TRIM37: variants seen among roughly 807,000 people sequenced by gnomAD.
TRIM37 encodes tripartite motif containing 37.
Under a neutral mutation model 129.8 loss-of-function variants are expected in TRIM37, and 80 were observed. That is an observed-to-expected ratio of 0.62 (90% CI 0.51 to 0.74). The LOEUF is 0.74. Ranked by LOEUF, TRIM37 falls within the 30% of genes least tolerant of loss-of-function variation. The probability of loss-of-function intolerance (pLI) is 0.00; values close to 1 mark genes in which losing one functional copy is unlikely to be tolerated. For missense variants in TRIM37, 1,054 were observed against 1,176.5 expected, an observed-to-expected ratio of 0.90 and a Z score of 1.52; for synonymous variants, 389 against 387.1, an observed-to-expected ratio of 1.00 and a Z score of -0.06.
At chr17:59,057,151 A>G (rs2041018725) in intron 12 of TRIM37, 97 bp from the exon 13 acceptor site, 3 of 1,034,720 alleles carry the variant, frequency 2.9e-6, no homozygotes, top group South Asian at 2.7e-5. Context: ...ATTACCTGAG[A>G]AGAAACCTTA....
At chr17:58,980,600 G>A (rs745964136), downstream of TRIM37, 1 of 1,614,184 alleles carries the variant, frequency 6.2e-7, no homozygotes, top group Admixed American at 1.7e-5. The surrounding 1 kb of genome is among the most constrained non-coding windows in gnomAD (Gnocchi z 4.7). Flanking sequence ...GAAAAAATCA[G>A]TTCAGTCATC....
intron 2 of TRIM37, among the ~76,000 whole-genome samples, chr17:59,100,339 C>T (rs2045341152): frequency 6.6e-6 from 1 of 152,176 alleles, no homozygotes; most frequent in Non-Finnish European, 1.5e-5. Context: ...AAACTGTAAA[C>T]ATGCCATATG....
At chr17:59,103,172 C>A (rs1182723395) in intron 2 of TRIM37, among the ~76,000 whole-genome samples, 1 of 152,102 alleles carries the variant, frequency 6.6e-6, no homozygotes, top group African/African-American at 2.4e-5. Flanking sequence ...CTACTGCGCC[C>A]AGCTGAAACA....
At chr17:58,973,136 TG>T in the TRIM37 span, among the ~76,000 whole-genome samples, 4 of 152,188 alleles carry the variant, frequency 2.6e-5, no homozygotes, top group East Asian at 7.7e-4. Flanking sequence ...GAAAGAGAAC[TG>T]CCAGGCTCAG....
At chr17:59,070,359 G>A (rs542687878) in intron 9 of TRIM37, among the ~76,000 whole-genome samples, 2 of 152,086 alleles carry the variant, frequency 1.3e-5, no homozygotes, top group African/African-American at 4.8e-5. Context: ...TGTGTTAGGA[G>A]ATATAGTTCA....
chr17:59,034,672 T>C lies in TRIM37; in HGVS notation c.1754-2582A>G, dbSNP rs577841236. Among the ~76,000 whole-genome samples the C allele has an allele frequency of 1.1e-4, 17 of 152,236 alleles. No homozygotes were observed. The East Asian group carries it at 3.3e-3, about 30-fold the overall frequency. On this transcript the variant is annotated intron_variant, in intron 17 of 23. Coordinates refer to ENST00000262294, the MANE Select transcript of TRIM37 (RefSeq NM_015294.6). ...ATGGTGCCCGGCCTATGTTCCCACC[T>C]TTCTACCCACTATCACATTTCCCCA...
Position 59,030,453 on chromosome 17 carries a change from T to A in TRIM37, c.1948+1443A>T, listed in dbSNP as rs910888427. 2.0e-5 allele frequency among the ~76,000 whole-genome samples: 3 copies of A among 152,212 alleles called. No individual in the cohort carries two copies. The South Asian group carries it at 6.2e-4, about 31-fold the overall frequency. The stretch of plus-strand genomic sequence containing the variant: ...TCTACTGGTCCTTTCTAATTTGATG[T>A]CACACTGTTATGCCCAACTCAAGAT... On this transcript the variant is annotated intron_variant, in intron 18 of 23. Transcript: ENST00000262294.
At chr17:58,972,355 C>CT in the TRIM37 span, 116,737 of 1,075,372 alleles carry the variant, frequency 0.11, no homozygotes, top group East Asian at 0.12. Flanking sequence ...GATTCACTTA[C>CT]TTTTTTTTTT....
downstream of TRIM37, among the ~76,000 whole-genome samples, chr17:58,979,014 C>T (rs1196303529): frequency 1.3e-5 from 2 of 152,150 alleles, no homozygotes; most frequent in Non-Finnish European, 2.9e-5. Context: ...TTATCCTGTT[C>T]CCTCAATTGA....
the TRIM37 span, among the ~76,000 whole-genome samples, chr17:58,970,524 T>C: frequency 0.38 from 57,514 of 151,950 alleles, 11,091 homozygotes; most frequent in Middle Eastern, 0.51. Context: ...TAACTCTTTT[T>C]AAAATGGGCT....
intron 8 of TRIM37, among the ~76,000 whole-genome samples, chr17:59,073,500 C>T (rs1878404732): frequency 6.6e-6 from 1 of 151,992 alleles, no homozygotes; most frequent in Non-Finnish European, 1.5e-5. Context: ...CACCATGTTG[C>T]CCAGGCTGGT....
intron 21 of TRIM37, among the ~76,000 whole-genome samples, chr17:59,012,970 G>T (rs543416403): frequency 1.3e-5 from 2 of 151,804 alleles, no homozygotes; most frequent in Non-Finnish European, 2.9e-5. Context: ...TTGTGATATT[G>T]TACTACAGTT....
chr17:59,104,952 C>T lies in TRIM37; in HGVS notation c.22-558G>A, dbSNP rs531779928. On this transcript the variant is annotated intron_variant, in intron 1 of 23. Transcript: ENST00000262294. ...ACTAAAAATACAAAAATTAGCCAGG[C>T]GTGGTGGTGTGCACCTGTAATCCCA... Among the ~76,000 whole-genome samples the T allele has an allele frequency of 3.3e-3, 498 of 151,768 alleles. 2 individuals are homozygous for T. The highest frequency in any genetic ancestry group is 6.8e-3 in the Middle Eastern group (2 of 292).
At chr17:59,060,934 A>T in intron 12 of TRIM37, 98 bp downstream of exon 12, 1 of 817,032 alleles carries the variant, frequency 1.2e-6, no homozygotes. Context: ...TAACAGACAT[A>T]CCAATACAGT....
At chr17:59,072,458 T>C (rs2042451382) in intron 8 of TRIM37, among the ~76,000 whole-genome samples, 2 of 152,088 alleles carry the variant, frequency 1.3e-5, no homozygotes, top group Admixed American at 6.6e-5. Flanking sequence ...CTGGGCACAA[T>C]AGCTCACACC....
chr17:59,032,348 A>G (rs1014877335), intron 17 of TRIM37, among the ~76,000 whole-genome samples: 2 of 150,096 alleles, frequency 1.3e-5, no homozygotes, highest in African/African-American at 4.9e-5. Context: ...ACAAGGTGAA[A>G]CCCCGTCTCT....
At chr17:59,030,679 T>G (rs185528158) in intron 18 of TRIM37, among the ~76,000 whole-genome samples, 74 of 152,342 alleles carry the variant, frequency 4.9e-4, no homozygotes, top group Admixed American at 4.2e-3. Flanking sequence ...CGATTTTACT[T>G]GTCTATAAAA....
chr17:58,998,598 G>C lies in TRIM37; in HGVS notation c.*779C>G, dbSNP rs1323940358. On this transcript the variant is annotated 3_prime_UTR_variant, in exon 24 of 24. Coordinates refer to ENST00000262294, the MANE Select transcript of TRIM37 (RefSeq NM_015294.6). ...TCAATGTACAACTAATGAAAATAAA[G>C]AAGAAAAGGGGGCTTTAAAATATTT... 1 of 985,182 alleles carries C rather than the reference G, an allele frequency of 1.0e-6. No individual in the cohort carries two copies. The highest frequency in any genetic ancestry group is 1.2e-6 in the Non-Finnish European group (1 of 829,904). 61.0% of individuals were successfully genotyped at this position (985,182 alleles called of 1,614,324 possible). A position where few individuals can be genotyped will look rare whatever the true frequency, so the allele number is the denominator to read the frequency against.
intron 16 of TRIM37, among the ~76,000 whole-genome samples, chr17:59,046,042 G>T (rs919897421): frequency 2.6e-5 from 4 of 151,934 alleles, no homozygotes; most frequent in African/African-American, 9.7e-5. Flanking sequence ...CCACATTAAT[G>T]AAATTCATTA....
Sources: allele counts gnomAD v4.1 joint callset (sites outside exome capture counted in the v4.1 genomes callset), GRCh38; gene constraint gnomAD v4.1.1; non-coding constraint Gnocchi (gnomAD v3.1); transcripts MANE v1.5; gene names NCBI Gene and HGNC (gene_info 2026-07-23, HGNC 2026-07-21).